STRN4: variants seen among roughly 807,000 people sequenced by gnomAD.
The protein encoded by STRN4 is striatin-4.
A neutral mutation model predicts 77.9 loss-of-function variants in STRN4; 27 were observed. The observed-to-expected ratio is 0.35, with a 90% CI of 0.26 to 0.48. The LOEUF (loss-of-function observed/expected upper bound fraction) is 0.48. Ranked by LOEUF, STRN4 falls within the 20% of genes least tolerant of loss-of-function variation. The pLI, the probability that STRN4 is intolerant of heterozygous loss-of-function variation, is 0.99. For synonymous variants in STRN4, 466 were observed against 443.1 expected, an observed-to-expected ratio of 1.05 and a Z score of -0.65; for missense variants, 798 against 1,049.7, an observed-to-expected ratio of 0.76 and a Z score of 3.31.
Position 46,723,076 on chromosome 19 carries a change from G to A in STRN4, c.1765+38C>T, listed in dbSNP as rs1176276883. 2.7e-5 allele frequency: 42 copies of A among 1,560,646 alleles called. No homozygotes were observed. The highest frequency in any genetic ancestry group is 3.2e-5 in the Non-Finnish European group (37 of 1,152,366). On this transcript the variant is annotated intron_variant, in intron 13 of 17. Coordinates refer to ENST00000263280, the MANE Select transcript of STRN4 (RefSeq NM_013403.3). The surrounding 1 kb of genome is among the most constrained non-coding windows in gnomAD (Gnocchi z 5.5). ...ACCACTCTGATAGCCTCCAGATCCC[G>A]CACAGCTCCAGGGTGAGGCACCGGG...
chr19:46,729,566 G>C lies in STRN4; in HGVS notation c.880-789C>G, dbSNP rs531431225. ...CAACACTTGTGCAAAGAATGGGGAA[G>C]GGGAGGGTTTAGACAGCATGCCCAG... On this transcript the variant is annotated intron_variant, in intron 6 of 17. Transcript: ENST00000263280. Among the ~76,000 whole-genome samples the C allele has an allele frequency of 1.6e-3, 245 of 152,348 alleles. 2 individuals are homozygous for C. The highest frequency in any genetic ancestry group is 5.4e-3 in the African/African-American group (225 of 41,584).
intron 9 of STRN4, 84 bp from the exon 10 acceptor site, chr19:46,725,732 CT>C (rs1196478408): frequency 1.2e-5 from 18 of 1,510,650 alleles, no homozygotes; most frequent in African/African-American, 6.9e-5. Context: ...TTGAGGGCCC[CT>C]GTCTTCCACC....
chr19:46,729,347 C>A (rs2054196949), intron 6 of STRN4, among the ~76,000 whole-genome samples: 1 of 152,184 alleles, frequency 6.6e-6, no homozygotes, highest in Non-Finnish European at 1.5e-5. Context: ...CAGGAACCCA[C>A]TTGCCCTAGG....
intron 1 of STRN4, 23 bp downstream of exon 1, chr19:46,746,126 G>A: frequency 6.7e-7 from 1 of 1,483,284 alleles, no homozygotes. Flanking sequence ...GTTGGGGGTC[G>A]GGGGTCCCGG....
chr19:46,738,378 A>C lies in STRN4; in HGVS notation c.387-141T>G, dbSNP rs1036762488. ...ACTACTGAGGCTGAAGCATCCCCCC[A>C]CACCCCTGGCCTGGTGGAAGAAACC... On this transcript the variant is annotated intron_variant, in intron 2 of 17. Transcript: ENST00000263280. This position sits in a 1 kb window ranked among gnomAD's most constrained non-coding sequence, Gnocchi z 4.5. 1.3e-5 allele frequency: 11 copies of C among 835,772 alleles called. No individual in the cohort carries two copies. The highest frequency in any genetic ancestry group is 8.1e-5 in the Admixed American group (4 of 49,612). 51.8% of individuals were successfully genotyped at this position (835,772 alleles called of 1,614,324 possible). A position where few individuals can be genotyped will look rare whatever the true frequency, so the allele number is the denominator to read the frequency against.
chr19:46,730,953 T>G lies in STRN4; in HGVS notation c.738-80A>C, dbSNP rs545585148. ...AGATAGGAAGGTGCCCTCCCAGGCT[T>G]GGTGGCCAGAGCCCAGACCCAGCTA... is the stretch of plus-strand genomic sequence containing the variant. On this transcript the variant is annotated intron_variant, in intron 5 of 17. Transcript: ENST00000263280. The G allele has an allele frequency of 2.5e-6, 4 of 1,577,064 alleles. No individual in the cohort carries two copies. In the Admixed American group the frequency reaches 5.1e-5, roughly 20 times the overall value.
At position 46,735,774 on chromosome 19, in the gene STRN4, G is replaced by A. The variant is rs372766252; in HGVS notation, c.539+1049C>T. 3.3e-5 allele frequency among the ~76,000 whole-genome samples: 5 copies of A among 151,812 alleles called. No homozygotes were observed. The East Asian group carries it at 5.8e-4, about 18-fold the overall frequency. On this transcript the variant is annotated intron_variant, in intron 4 of 17. Transcript: ENST00000263280. ...GAGGTCAGGAGTTCAAGACCAGCAT[G>A]GCCAACATGGTGAAACCCTGTCTTT...
At chr19:46,730,964 G>A in intron 5 of STRN4, 91 bp from the exon 6 acceptor site, 1 of 1,560,292 alleles carries the variant, frequency 6.4e-7, no homozygotes, top group Non-Finnish European at 8.7e-7. Context: ...GGTGGCCAGA[G>A]CCCAGACCCA....
intron 4 of STRN4, among the ~76,000 whole-genome samples, chr19:46,734,327 T>C (rs533380092): frequency 2.0e-5 from 3 of 152,350 alleles, no homozygotes; most frequent in Non-Finnish European, 2.9e-5. Flanking sequence ...AGGCACGTAA[T>C]AGGTACTTGG....
rs757392627 is a variant in STRN4, at chr19:46,733,169, G to C, written c.607C>G (p.Leu203Val). ...DMRSKRVRSL[L>V]GRSLELNGAV... is the part of the protein sequence containing the mutation. ...CCGTTGAGCTCCAGCGAGCGGCCCA[G>C]CAGGGAACGGACGCGCTTGGACCGC... is the stretch of plus-strand genomic sequence containing the variant. The change falls in exon 5 of 18, where the codon CTG becomes GTG. Residue 203 changes from leucine to valine, a missense_variant. This residue lies in a region of STRN4 where 511 missense variants were observed against 575.9 expected (regional missense o/e 0.89). Coordinates refer to ENST00000263280, the MANE Select transcript of STRN4 (RefSeq NM_013403.3). The surrounding 1 kb of genome is among the most constrained non-coding windows in gnomAD (Gnocchi z 4.3). 1.9e-6 allele frequency: 3 copies of C among 1,611,720 alleles called. No homozygotes were observed. The highest frequency in any genetic ancestry group is 2.5e-6 in the Non-Finnish European group (3 of 1,180,008).
rs1352401877 is a variant in STRN4, at chr19:46,719,931, G to A, written c.*474C>T. ...AGCAGTGGAGAGGGCCGGAGGGGAGGGGCAGCCAGGCCGGGGCTCAGCTCT... is the reference window on the plus strand; with the variant it reads ...AGCAGTGGAGAGGGCCGGAGGGGAGAGGCAGCCAGGCCGGGGCTCAGCTCT... On this transcript the variant is annotated 3_prime_UTR_variant, in exon 18 of 18. Coordinates refer to ENST00000263280, the MANE Select transcript of STRN4 (RefSeq NM_013403.3). 1 of 152,296 alleles carries A rather than the reference G, an allele frequency of 6.6e-6. No individual in the cohort carries two copies. Among genetic ancestry groups the A allele is most frequent in the African/African-American group, 2.4e-5 (1 of 41,430 alleles). 9.4% of individuals were successfully genotyped at this position (152,296 alleles called of 1,614,324 possible).
chr19:46,738,826 C>T lies in STRN4; in HGVS notation c.345G>A (p.Val115=), dbSNP rs368729505. ...KGQENLKTDL[V]RRIKMLEYAL... ...CATACTCTAGCATCTTGATCCGCCGCACCAGGTCCGTCTTTAGATTCTCCT... is the reference window on the plus strand; with the variant it reads ...CATACTCTAGCATCTTGATCCGCCGTACCAGGTCCGTCTTTAGATTCTCCT... The change falls in exon 2 of 18, where the codon GTG becomes GTA. Residue 115 remains valine (V), a synonymous_variant. Coordinates refer to ENST00000263280, the MANE Select transcript of STRN4 (RefSeq NM_013403.3). The surrounding 1 kb of genome is among the most constrained non-coding windows in gnomAD (Gnocchi z 4.5). 2 of 1,614,094 alleles carry T rather than the reference C, an allele frequency of 1.2e-6. No individual in the cohort carries two copies. The highest frequency in any genetic ancestry group is 1.3e-5 in the African/African-American group (1 of 74,926).
intron 1 of STRN4, among the ~76,000 whole-genome samples, chr19:46,742,603 C>T (rs1365983313): frequency 6.6e-6 from 1 of 152,138 alleles, no homozygotes; most frequent in Non-Finnish European, 1.5e-5. Flanking sequence ...CGCTCTGTCA[C>T]CAAGGCTGGA....
At chr19:46,731,644 C>T (rs1376873656) in intron 5 of STRN4, 1 of 152,258 alleles carries the variant, frequency 6.6e-6, no homozygotes, top group Non-Finnish European at 1.5e-5. Context: ...ACCAGAGCTC[C>T]ACTCCATCCT....
chr19:46,725,350 T>C lies in STRN4; in HGVS notation c.1454A>G (p.His485Arg), dbSNP rs1355611289. Residue 485 changes from histidine (H) to arginine (R), a missense_variant, in exon 11 of 18, where the codon CAT (histidine) becomes CGT (arginine). Physicochemically the swap from His to Arg is conservative, Grantham distance 29. Transcript: ENST00000263280. ...KNAALDVEPI[H>R]AFRAHRGPVL... ...TCCCTACCTGTGAGCCCGGAAAGCA[T>C]GTATAGGTTCCACATCTAGCGCCGC... 4 of 1,614,004 alleles carry C rather than the reference T, an allele frequency of 2.5e-6. No homozygotes were observed. Among genetic ancestry groups the C allele is most frequent in the Admixed American group, 3.3e-5 (2 of 60,002 alleles).
At chr19:46,729,825 G>A (rs1225984108) in intron 6 of STRN4, among the ~76,000 whole-genome samples, 6 of 152,220 alleles carry the variant, frequency 3.9e-5, no homozygotes, top group Admixed American at 6.5e-5. Context: ...CAACTCAGAC[G>A]GAGGGACTCA....
At chr19:46,724,435 C>T (rs190749097) in intron 12 of STRN4, among the ~76,000 whole-genome samples, 9 of 152,332 alleles carry the variant, frequency 5.9e-5, no homozygotes, top group Admixed American at 5.9e-4. Flanking sequence ...CCCTCAACCA[C>T]GCAGAGACCC....
chr19:46,741,836 G>A lies in STRN4; in HGVS notation c.283-2948C>T, dbSNP rs1032725090. The stretch of plus-strand genomic sequence containing the variant: ...GCTAGCTGGGAAGAGTCCCCGTTTC[G>A]TGCCATCTAGCCCTGCATCTCCTAA... On this transcript the variant is annotated intron_variant, in intron 1 of 17. Transcript: ENST00000263280. This position sits in a 1 kb window ranked among gnomAD's most constrained non-coding sequence, Gnocchi z 4.9. Among the ~76,000 whole-genome samples, 3 of 152,290 alleles carry A rather than the reference G, an allele frequency of 2.0e-5. No homozygotes were observed. The highest frequency in any genetic ancestry group is 3.4e-3 in the Middle Eastern group (1 of 294).
Position 46,738,685 on chromosome 19 carries a change from C to T in STRN4, c.386+100G>A. On this transcript the variant is annotated intron_variant, in intron 2 of 17. Coordinates refer to ENST00000263280, the MANE Select transcript of STRN4 (RefSeq NM_013403.3). The surrounding 1 kb of genome is among the most constrained non-coding windows in gnomAD (Gnocchi z 4.5). ...GGAATGATGGAAAAGAATGTCGACC[C>T]CAAATCTCCCTTAGCTGGAAGGAGG... 1 of 1,126,390 alleles carries T rather than the reference C, an allele frequency of 8.9e-7. No homozygotes were observed. The allele number at this position is 1,126,390 out of a possible 1,614,324, so 69.8% of individuals were successfully genotyped here.
Sources: gnomAD v4.1 joint callset for allele counts (sites outside exome capture counted in the v4.1 genomes callset) on GRCh38, gnomAD v4.1.1 for gene constraint, gnomAD v4.1.1 regional missense constraint, Gnocchi (gnomAD v3.1) non-coding constraint, MANE v1.5 for transcripts, NCBI Gene and HGNC (gene_info 2026-07-23, HGNC 2026-07-21) for gene names.